The following CNTN6 variants were observed in gnomAD, a reference collection of about 807,000 sequenced individuals.
CNTN6 encodes the protein contactin 6.
A neutral mutation model predicts 122.8 loss-of-function variants in CNTN6; 137 were observed. The ratio of observed to expected loss-of-function variants is 1.12; its 90% CI spans 0.97 to 1.29. The LOEUF (loss-of-function observed/expected upper bound fraction) is 1.29. Ranked by LOEUF, CNTN6 falls within the 50% of genes most tolerant of loss-of-function variation. The pLI, the probability that CNTN6 is intolerant of heterozygous loss-of-function variation, is 0.00. For synonymous variants in CNTN6, 570 were observed against 426.0 expected, an observed-to-expected ratio of 1.34 and a Z score of -4.16; for missense variants, 1,634 against 1,223.4, an observed-to-expected ratio of 1.34 and a Z score of -5.01.
intron 10 of CNTN6, among the ~76,000 whole-genome samples, 155 bp from the exon 11 acceptor site, chr3:1,329,628 TAA>T (rs534650364): frequency 3.3e-5 from 5 of 151,852 alleles, no homozygotes; most frequent in Non-Finnish European, 7.4e-5. Context: ...TCTAAAATGT[TAA>T]GTCAGTATTT....
chr3:1,129,094 T>C (rs1480967667), intron 1 of CNTN6, among the ~76,000 whole-genome samples: 4 of 152,016 alleles, frequency 2.6e-5, no homozygotes, highest in Non-Finnish European at 5.9e-5. Flanking sequence ...AATGCTGTGC[T>C]TGGGAACTAC....
At chr3:1,383,771 G>A (rs1692311768) in intron 19 of CNTN6, among the ~76,000 whole-genome samples, 1 of 152,222 alleles carries the variant, frequency 6.6e-6, no homozygotes, top group Non-Finnish European at 1.5e-5. Flanking sequence ...CTTGGAAGCA[G>A]TTCTACACTC....
intron 5 of CNTN6, among the ~76,000 whole-genome samples, chr3:1,284,542 C>G (rs919267265): frequency 1.3e-5 from 2 of 152,038 alleles, no homozygotes; most frequent in Non-Finnish European, 2.9e-5. Context: ...ATTCACTCAA[C>G]AAATATTTAT....
At chr3:1,338,745 G>T (rs1220885785) in intron 11 of CNTN6, among the ~76,000 whole-genome samples, 2 of 152,054 alleles carry the variant, frequency 1.3e-5, no homozygotes, top group Admixed American at 6.6e-5. Flanking sequence ...GACAGAAAAG[G>T]TCAATTATTC....
intron 2 of CNTN6, among the ~76,000 whole-genome samples, chr3:1,205,162 T>C (rs377014918): frequency 9.9e-5 from 15 of 152,198 alleles, no homozygotes; most frequent in South Asian, 4.1e-4. Context: ...CCGAGGAACG[T>C]GGGCAGTCTC....
intron 1 of CNTN6, among the ~76,000 whole-genome samples, chr3:1,103,700 C>T (rs1428459022): frequency 3.3e-5 from 5 of 152,136 alleles, no homozygotes; most frequent in East Asian, 1.9e-4. Context: ...AGACACAATG[C>T]CTGAGCCAAT....
intron 4 of CNTN6, among the ~76,000 whole-genome samples, chr3:1,240,895 G>C (rs2094474474): frequency 6.6e-6 from 1 of 151,964 alleles, no homozygotes; most frequent in Admixed American, 6.6e-5. Flanking sequence ...GGGTGGGGCT[G>C]TTTTATAGGA....
intron 1 of CNTN6, among the ~76,000 whole-genome samples, chr3:1,103,185 G>C (rs2091041300): frequency 6.6e-6 from 1 of 152,182 alleles, no homozygotes. Flanking sequence ...AGACTTGATA[G>C]AACACACTTG....
intron 20 of CNTN6, among the ~76,000 whole-genome samples, chr3:1,386,856 TAAG>T (rs1046110326): frequency 3.3e-5 from 5 of 152,160 alleles, no homozygotes; most frequent in Admixed American, 6.5e-5. Context: ...AAGAGATGGT[TAAG>T]AAGAGTTTGA....
intron 4 of CNTN6, among the ~76,000 whole-genome samples, chr3:1,272,607 T>C (rs2095044792): frequency 6.6e-6 from 1 of 152,206 alleles, no homozygotes; most frequent in African/African-American, 2.4e-5. Flanking sequence ...CATGCCCATT[T>C]TTCTGGTGAA....
intron 7 of CNTN6, among the ~76,000 whole-genome samples, chr3:1,307,149 A>G (rs147832097): frequency 2.9e-3 from 439 of 152,278 alleles, no homozygotes; most frequent in African/African-American, 9.8e-3. Context: ...ACAATGTGCA[A>G]TCACACATTC....
At chr3:1,362,684 A>G (rs1707642039) in intron 12 of CNTN6, among the ~76,000 whole-genome samples, 5 of 152,110 alleles carry the variant, frequency 3.3e-5, no homozygotes, top group Admixed American at 1.3e-4. Context: ...AACTTTTAAC[A>G]TATATAAAAT....
intron 2 of CNTN6, among the ~76,000 whole-genome samples, chr3:1,176,808 A>C (rs1036728856): frequency 6.6e-6 from 1 of 152,158 alleles, no homozygotes; most frequent in African/African-American, 2.4e-5. Flanking sequence ...GGGTTTTAAA[A>C]TGTTTATGCT....
intron 5 of CNTN6, among the ~76,000 whole-genome samples, chr3:1,278,999 A>T (rs894123299): frequency 6.6e-6 from 1 of 152,256 alleles, no homozygotes; most frequent in African/African-American, 2.4e-5. Flanking sequence ...TAAGATTGTT[A>T]CTACGTTTTT....
At chr3:1,289,365 A>G (rs1407107788) in intron 5 of CNTN6, among the ~76,000 whole-genome samples, 3 of 152,174 alleles carry the variant, frequency 2.0e-5, no homozygotes, top group African/African-American at 7.2e-5. Flanking sequence ...GCAGCTTTAC[A>G]TCTTCACCAA....
At chr3:1,201,481 T>G (rs1231187256) in intron 2 of CNTN6, among the ~76,000 whole-genome samples, 1 of 151,488 alleles carries the variant, frequency 6.6e-6, no homozygotes, top group Non-Finnish European at 1.5e-5. Flanking sequence ...GTCAAAAATA[T>G]CATCACTCTC....
At chr3:1,210,427 A>G (rs113923928) in intron 2 of CNTN6, among the ~76,000 whole-genome samples, 1 of 53,548 alleles carries the variant, frequency 1.9e-5, no homozygotes, top group African/African-American at 1.3e-4. Flanking sequence ...AAAGGAAAGA[A>G]AAAAAAAAGG....
chr3:1,351,875 C>A (rs562572927), intron 11 of CNTN6, among the ~76,000 whole-genome samples: 2 of 151,912 alleles, frequency 1.3e-5, no homozygotes, highest in Non-Finnish European at 2.9e-5. Flanking sequence ...ATTCTGTGGC[C>A]ACAGAAAATG....
intron 20 of CNTN6, among the ~76,000 whole-genome samples, chr3:1,388,230 G>A (rs1560007364): frequency 6.7e-6 from 1 of 149,382 alleles, no homozygotes; most frequent in East Asian, 2.0e-4. Flanking sequence ...CTGGCACACT[G>A]CCTCCTCAAG....
Sources: gnomAD v4.1 joint callset for allele counts (sites outside exome capture counted in the v4.1 genomes callset) on GRCh38, gnomAD v4.1.1 for gene constraint, MANE v1.5 for transcripts, NCBI Gene and HGNC (gene_info 2026-07-23, HGNC 2026-07-21) for gene names.